PPARD: variants seen among roughly 807,000 people sequenced by gnomAD.
PPARD encodes peroxisome proliferator-activated receptor delta.
A neutral mutation model predicts 39.5 loss-of-function variants in PPARD; 6 were observed. The ratio of observed to expected loss-of-function variants is 0.15; its 90% CI spans 0.08 to 0.30. The LOEUF is 0.30. Ranked by LOEUF, PPARD falls within the 10% of genes least tolerant of loss-of-function variation. PPARD has a pLI of 1.00. For missense variants in PPARD, 397 were observed against 596.8 expected (o/e 0.67, Z 3.49); for synonymous variants, 210 against 231.3 (o/e 0.91, Z 0.83).
intron 2 of PPARD, among the ~76,000 whole-genome samples, chr6:35,402,113 G>T (rs903999995): frequency 6.6e-6 from 1 of 151,974 alleles, no homozygotes; most frequent in East Asian, 1.9e-4. Context: ...CCCTTCCCCC[G>T]ACCAACCCCA....
At chr6:35,368,921 T>C (rs1325351554) in intron 2 of PPARD, among the ~76,000 whole-genome samples, 3 of 152,230 alleles carry the variant, frequency 2.0e-5, no homozygotes, top group African/African-American at 4.8e-5. Flanking sequence ...ATTTGAAATA[T>C]GAAATTCCTT....
intron 2 of PPARD, among the ~76,000 whole-genome samples, chr6:35,365,130 C>CTTTTTTTTTTTTTTTTTTT (rs551946022): frequency 8.3e-6 from 1 of 121,088 alleles, no homozygotes; most frequent in African/African-American, 3.4e-5. Flanking sequence ...CTTCCTTATT[C>CTTTTTTTTTTTTTTTTTTT]TTTTTTTTTT....
Position 35,380,587 on chromosome 6 carries a change from C to G in PPARD, c.-101-30400C>G, listed in dbSNP as rs151293182. On this transcript the variant is annotated intron_variant, in intron 2 of 7. Transcript: ENST00000360694. ...CACTGCAGCCTCGACCTTTCGGGCT[C>G]AAGCAGGGCTCCTCCCTGCTCAGCC... is the stretch of plus-strand genomic sequence containing the variant. 3.2e-3 allele frequency among the ~76,000 whole-genome samples: 460 copies of G among 142,202 alleles called. 5 individuals carry two copies. The highest frequency in any genetic ancestry group is 0.011 in the African/African-American group (439 of 40,106). 93.3% of individuals were successfully genotyped at this position (142,202 alleles called of 152,430 possible).
chr6:35,379,247 G>T (rs1762995916), intron 2 of PPARD, among the ~76,000 whole-genome samples: 2 of 152,038 alleles, frequency 1.3e-5, no homozygotes, highest in Non-Finnish European at 1.5e-5. Flanking sequence ...GGGGTTACAG[G>T]CATCCGCCAC....
intron 2 of PPARD, among the ~76,000 whole-genome samples, chr6:35,385,059 C>G (rs1253536236): frequency 9.0e-5 from 13 of 144,132 alleles, no homozygotes; most frequent in Non-Finnish European, 1.7e-4. Flanking sequence ...CGGGAGGTGA[C>G]GGGCGCCTCT....
At chr6:35,419,330 G>A (rs1246143151) in intron 3 of PPARD, among the ~76,000 whole-genome samples, 2 of 152,182 alleles carry the variant, frequency 1.3e-5, no homozygotes, top group Non-Finnish European at 2.9e-5. Context: ...ATTTCCGAGT[G>A]TCCAAAGGGC....
At chr6:35,359,684 G>A (rs553883309) in intron 2 of PPARD, among the ~76,000 whole-genome samples, 17 of 152,210 alleles carry the variant, frequency 1.1e-4, no homozygotes, top group African/African-American at 3.1e-4. Flanking sequence ...TGGCTGAGCC[G>A]GTAGATAACC....
chr6:35,423,518 GC>G (rs950242956), intron 5 of PPARD, among the ~76,000 whole-genome samples: 1 of 151,146 alleles, frequency 6.6e-6, no homozygotes. Flanking sequence ...GGGAGACAGA[GC>G]GAGACTCTGT....
intron 3 of PPARD, among the ~76,000 whole-genome samples, chr6:35,416,793 G>A (rs1036558238): frequency 2.6e-5 from 4 of 152,204 alleles, no homozygotes; most frequent in Admixed American, 6.5e-5. Context: ...CGTGAGTGAT[G>A]GCTCCTTCCA....
chr6:35,362,175 T>C (rs553863999), intron 2 of PPARD, among the ~76,000 whole-genome samples: 2 of 152,308 alleles, frequency 1.3e-5, no homozygotes, highest in Middle Eastern at 3.4e-3. Flanking sequence ...AATGGGATGC[T>C]GTTTAACATT....
chr6:35,355,641 T>C (rs1458153375), intron 2 of PPARD, among the ~76,000 whole-genome samples: 8 of 124,620 alleles, frequency 6.4e-5, no homozygotes, highest in Non-Finnish European at 1.3e-4. Context: ...AGACGGAGTC[T>C]CGCTTTGTTG....
At chr6:35,355,195 T>G (rs981228700) in intron 2 of PPARD, among the ~76,000 whole-genome samples, 1 of 152,010 alleles carries the variant, frequency 6.6e-6, no homozygotes, top group Admixed American at 6.6e-5. Flanking sequence ...TTTTTTTTCA[T>G]TGAAGTCCTG....
intron 2 of PPARD, chr6:35,348,630 T>G: frequency 1.0e-6 from 1 of 985,448 alleles, no homozygotes; most frequent in Middle Eastern, 5.2e-4. Flanking sequence ...TTCTCTGCCT[T>G]TAACACCCTG....
At chr6:35,397,594 G>A in intron 2 of PPARD, 1 of 980,066 alleles carries the variant, frequency 1.0e-6, no homozygotes, top group Non-Finnish European at 1.2e-6. Flanking sequence ...CTGCTTCAAG[G>A]TGCGTGGTGA....
intron 4 of PPARD, among the ~76,000 whole-genome samples, 200 bp from the exon 5 acceptor site, chr6:35,421,620 G>C (rs143591771): frequency 6.6e-6 from 1 of 152,230 alleles, no homozygotes. Context: ...GATTACAGGC[G>C]TGAGCCACTG....
chr6:35,386,730 C>T (rs1419994241), intron 2 of PPARD, among the ~76,000 whole-genome samples: 1 of 152,012 alleles, frequency 6.6e-6, no homozygotes, highest in Non-Finnish European at 1.5e-5. Flanking sequence ...AGCAAGGCTT[C>T]AGAATGGGCT....
intron 2 of PPARD, among the ~76,000 whole-genome samples, chr6:35,402,057 C>T (rs1883321): frequency 0.013 from 1,990 of 152,218 alleles, 57 homozygotes; most frequent in African/African-American, 0.044. Context: ...TTTCCTTTAC[C>T]TCGTTGGCAT....
At chr6:35,357,564 T>G (rs1383861013) in intron 2 of PPARD, among the ~76,000 whole-genome samples, 6 of 151,020 alleles carry the variant, frequency 4.0e-5, no homozygotes, top group Admixed American at 2.6e-4. Context: ...TTTAAGACAG[T>G]CTCACTCTGT....
chr6:35,384,214 G>A (rs1401342351), intron 2 of PPARD, among the ~76,000 whole-genome samples: 4 of 138,816 alleles, frequency 2.9e-5, no homozygotes, highest in Admixed American at 6.9e-5. Context: ...GGAGGGAGGT[G>A]GGGGGGTCAG....
Sources: gnomAD v4.1 joint callset for allele counts (sites outside exome capture counted in the v4.1 genomes callset) on GRCh38, gnomAD v4.1.1 for gene constraint, MANE v1.5 for transcripts, NCBI Gene and HGNC (gene_info 2026-07-23, HGNC 2026-07-21) for gene names.